Variants in CLN6 observed in about 807,000 individuals in gnomAD.
The protein encoded by CLN6 is CLN6 transmembrane ER protein.
Under a neutral mutation model 33.3 loss-of-function variants are expected in CLN6, and 22 were observed. That is an observed-to-expected ratio of 0.66 (90% CI 0.47 to 0.94). The LOEUF (loss-of-function observed/expected upper bound fraction) is 0.94. CLN6 is among the 40% of genes least tolerant of loss of function. The pLI is 0.00. For synonymous variants in CLN6, 201 were observed against 174.6 expected, an observed-to-expected ratio of 1.15 and a Z score of -1.19; for missense variants, 387 against 417.1, an observed-to-expected ratio of 0.93 and a Z score of 0.63.
Position 68,211,620 on chromosome 15 carries a change from C to T in CLN6, c.486+55G>A. The T allele has an allele frequency of 6.2e-7, 1 of 1,608,918 alleles. No homozygotes were observed. Among genetic ancestry groups the T allele is most frequent in the Non-Finnish European group, 8.5e-7 (1 of 1,179,936 alleles). On this transcript the variant is annotated intron_variant, in intron 4 of 6. Transcript: ENST00000249806. This position sits in a 1 kb window ranked among gnomAD's most constrained non-coding sequence, Gnocchi z 5.9. ...GGGTGGGGGCCATTTCTTCAGCCTC[C>T]CAGGACAGACTGTGCTCCTAGGGCT...
intron 1 of CLN6, among the ~76,000 whole-genome samples, chr15:68,249,063 A>G (rs879804341): frequency 2.0e-5 from 3 of 152,228 alleles, no homozygotes; most frequent in Admixed American, 2.0e-4. Flanking sequence ...GCTGACAGGT[A>G]TTTTTTAAAA....
Position 68,234,852 on chromosome 15 carries a change from A to G in CLN6, c.180-16202T>C, listed in dbSNP as rs1293794508. On this transcript the variant is annotated intron_variant, in intron 1 of 6. Coordinates refer to the CLN6 transcript ENST00000538696. The surrounding 1 kb of genome is among the most constrained non-coding windows in gnomAD (Gnocchi z 4.1). ...GCCAACATAGTGAAACTCCGTCTCTACTAAAAATACAACAATTAGCTGGGC... is the reference window on the plus strand; with the variant it reads ...GCCAACATAGTGAAACTCCGTCTCTGCTAAAAATACAACAATTAGCTGGGC... Among the ~76,000 whole-genome samples, 1 of 152,160 alleles carries G rather than the reference A, an allele frequency of 6.6e-6. No homozygotes were observed. Among genetic ancestry groups the G allele is most frequent in the African/African-American group, 2.4e-5 (1 of 41,424 alleles).
Position 68,209,550 on chromosome 15 carries a change from A to G in CLN6, c.665+87T>C. 3 of 1,571,190 alleles carry G rather than the reference A, an allele frequency of 1.9e-6. No homozygotes were observed. The highest frequency in any genetic ancestry group is 2.2e-5 in the East Asian group (1 of 44,482). On this transcript the variant is annotated intron_variant, in intron 6 of 6. Transcript: ENST00000249806. The surrounding 1 kb of genome is among the most constrained non-coding windows in gnomAD (Gnocchi z 4.9). ...AGAGGGCCAGTCTCCCTGGGGCCAC[A>G]CAGCAGGTCCATTGGCAAGTGCAGA...
At chr15:68,214,433 C>G in intron 2 of CLN6, 45 bp from the exon 3 acceptor site, 1 of 1,487,736 alleles carries the variant, frequency 6.7e-7, no homozygotes. Flanking sequence ...CACAGCCCCA[C>G]GCGGCCCTCG....
chr15:68,223,744 GA>G (rs570594236), intron 1 of CLN6, among the ~76,000 whole-genome samples: 2,548 of 140,490 alleles, frequency 0.018, 48 homozygotes, highest in African/African-American at 0.05. Context: ...AGTAGGACAG[GA>G]AAAAAAAAAA....
chr15:68,231,490 G>A (rs572228182), upstream of CLN6, among the ~76,000 whole-genome samples: 6 of 152,328 alleles, frequency 3.9e-5, no homozygotes, highest in African/African-American at 1.2e-4. Context: ...CATCGATCTC[G>A]GTATACACCA....
rs1205569791 is a variant in CLN6 at position 68,256,191 on chromosome 15, C to T, written c.179+499G>A. Among the ~76,000 whole-genome samples, 1 of 152,122 alleles carries T rather than the reference C, an allele frequency of 6.6e-6. No homozygotes were observed. Among genetic ancestry groups the T allele is most frequent in the Admixed American group, 6.6e-5 (1 of 15,262 alleles). On this transcript the variant is annotated intron_variant, in intron 1 of 6. Transcript: ENST00000538696. This position sits in a 1 kb window ranked among gnomAD's most constrained non-coding sequence, Gnocchi z 4.1. ...GCGCCATCTCGGCTCACTGCAACCTCTGCCTCCCAGGTTCAAGCGATTCTC... is the reference window on the plus strand; with the variant it reads ...GCGCCATCTCGGCTCACTGCAACCTTTGCCTCCCAGGTTCAAGCGATTCTC...
At chr15:68,243,754 C>CAAAA (rs56110025) in intron 1 of CLN6, among the ~76,000 whole-genome samples, 1 of 86,920 alleles carries the variant, frequency 1.2e-5, no homozygotes, top group Admixed American at 1.4e-4. Context: ...GACTCTATCT[C>CAAAA]AAAAAAAAAA....
upstream of CLN6, among the ~76,000 whole-genome samples, chr15:68,233,307 G>GC (rs1485361094): frequency 9.3e-5 from 14 of 151,156 alleles, no homozygotes; most frequent in African/African-American, 3.2e-4. The surrounding 1 kb of genome is among the most constrained non-coding windows in gnomAD (Gnocchi z 4.3). Context: ...CTACGGGGGG[G>GC]TGGGGGGGGT....
rs1329979933 is a variant in CLN6, at chr15:68,227,608, G to A, written c.83+1894C>T. Reference sequence around the variant, plus strand: ...CCCCTGGGAATACCCTGGCTGGTGGGGAGCTCACACAGGGGAAGAGGGACA... The same window carrying A: ...CCCCTGGGAATACCCTGGCTGGTGGAGAGCTCACACAGGGGAAGAGGGACA... On this transcript the variant is annotated intron_variant, in intron 1 of 6. Transcript: ENST00000249806. This position sits in a 1 kb window ranked among gnomAD's most constrained non-coding sequence, Gnocchi z 4.1. 1.3e-5 allele frequency among the ~76,000 whole-genome samples: 2 copies of A among 152,160 alleles called. No individual in the cohort carries two copies. The highest frequency in any genetic ancestry group is 2.9e-5 in the Non-Finnish European group (2 of 68,006).
rs2093200530 is a variant in CLN6, at chr15:68,210,081, A to G, written c.543-322T>C. On this transcript the variant is annotated intron_variant, in intron 5 of 6. Coordinates refer to ENST00000249806, the MANE Select transcript of CLN6 (RefSeq NM_017882.3). The surrounding 1 kb of genome is among the most constrained non-coding windows in gnomAD (Gnocchi z 5.6). ...CATGCACCGCAGACACCAGCAGCCC[A>G]GCACCACACTAGCCTGGAGACAGAG... is the stretch of plus-strand genomic sequence containing the variant. Among the ~76,000 whole-genome samples the G allele has an allele frequency of 6.6e-6, 1 of 152,118 alleles. No individual in the cohort carries two copies. Among genetic ancestry groups the G allele is most frequent in the South Asian group, 2.1e-4 (1 of 4,828 alleles).
At chr15:68,237,153 G>C (rs1412629876) in intron 1 of CLN6, among the ~76,000 whole-genome samples, 1 of 96,054 alleles carries the variant, frequency 1.0e-5, no homozygotes, top group Non-Finnish European at 1.9e-5. Flanking sequence ...GACAGAGCGA[G>C]ACTCCGTCTC....
chr15:68,211,480 G>T lies in CLN6; in HGVS notation c.487-162C>A. On this transcript the variant is annotated intron_variant, in intron 4 of 6. Transcript: ENST00000249806. The surrounding 1 kb of genome is among the most constrained non-coding windows in gnomAD (Gnocchi z 5.9). Reference sequence around the variant, plus strand: ...CCTCGCCTTCTGTTACAGGGGCCCAGGTGGGAGGCAGTCTGTGCACCACTT... The same window carrying T: ...CCTCGCCTTCTGTTACAGGGGCCCATGTGGGAGGCAGTCTGTGCACCACTT... The T allele has an allele frequency of 6.4e-7, 1 of 1,553,760 alleles. No individual in the cohort carries two copies. The highest frequency in any genetic ancestry group is 8.7e-7 in the Non-Finnish European group (1 of 1,143,600).
upstream of CLN6, among the ~76,000 whole-genome samples, chr15:68,231,351 A>G (rs1232783639): frequency 6.6e-6 from 1 of 152,226 alleles, no homozygotes; most frequent in Non-Finnish European, 1.5e-5. Flanking sequence ...CGTAAGGAGA[A>G]CAGGTGATTG....
intron 3 of CLN6, 25 bp downstream of exon 3, chr15:68,214,265 G>GA (rs2093214298): frequency 1.9e-6 from 3 of 1,549,180 alleles, no homozygotes; most frequent in Middle Eastern, 1.7e-4. Context: ...GATGACAGGA[G>GA]AGAGTGGGGG....
At chr15:68,235,585 TAA>T (rs1892211858) in intron 1 of CLN6, among the ~76,000 whole-genome samples, 4 of 29,386 alleles carry the variant, frequency 1.4e-4, no homozygotes, top group African/African-American at 4.9e-4. Context: ...AAAATAAAAA[TAA>T]ATATATATAT....
At position 68,242,018 on chromosome 15, in the gene CLN6, A is replaced by G. The variant is rs555144202; in HGVS notation, c.179+14672T>C. 7.9e-5 allele frequency among the ~76,000 whole-genome samples: 12 copies of G among 152,352 alleles called. No individual in the cohort carries two copies. Among genetic ancestry groups the G allele is most frequent in the Admixed American group, 7.2e-4 (11 of 15,298 alleles). The stretch of plus-strand genomic sequence containing the variant: ...ACTAGAATAAATAAATAATCCTTCA[A>G]TGCAAAGATGTAGATGTATATCCAC... On this transcript the variant is annotated intron_variant, in intron 1 of 6. Transcript: ENST00000538696. This position sits in a 1 kb window ranked among gnomAD's most constrained non-coding sequence, Gnocchi z 5.0.
chr15:68,211,276 C>A lies in CLN6; in HGVS notation c.529G>T (p.Gly177Cys). The change falls in exon 5 of 7, where the codon GGT (glycine) becomes TGT (cysteine). Residue 177 changes from glycine (G) to cysteine (C), a missense_variant. Coordinates refer to ENST00000249806, the MANE Select transcript of CLN6 (RefSeq NM_017882.3). The surrounding 1 kb of genome is among the most constrained non-coding windows in gnomAD (Gnocchi z 5.9). ...CCCATCACTCACCACATGCAGTGACCCAGGTACTCATCATAATAGTAGAGC... is the reference window on the plus strand; with the variant it reads ...CCCATCACTCACCACATGCAGTGACACAGGTACTCATCATAATAGTAGAGC... ...ELLYYYDEYL[G>C]HCMWYIPFFL... 1 of 1,613,954 alleles carries A rather than the reference C, an allele frequency of 6.2e-7. No individual in the cohort carries two copies. Among genetic ancestry groups the A allele is most frequent in the Non-Finnish European group, 8.5e-7 (1 of 1,179,986 alleles).
intron 2 of CLN6, among the ~76,000 whole-genome samples, chr15:68,216,965 T>A (rs2093222140): frequency 2.0e-5 from 3 of 152,256 alleles, no homozygotes. Flanking sequence ...TCGAGCCAGT[T>A]ACTTATTCTC....
Sources: gnomAD v4.1 joint callset for allele counts (sites outside exome capture counted in the v4.1 genomes callset) on GRCh38, gnomAD v4.1.1 for gene constraint, Gnocchi (gnomAD v3.1) non-coding constraint, MANE v1.5 for transcripts, NCBI Gene and HGNC (gene_info 2026-07-23, HGNC 2026-07-21) for gene names.